ADD2: variants seen among roughly 807,000 people sequenced by gnomAD.
ADD2 encodes the protein adducin 2, also known as beta-adducin.
ADD2 carries 23 observed loss-of-function variants against 83.0 expected under a neutral mutation model. The observed-to-expected ratio is 0.28, with a 90% CI of 0.20 to 0.39. The LOEUF (loss-of-function observed/expected upper bound fraction) is 0.39. Ranked by LOEUF, ADD2 falls within the 10% of genes least tolerant of loss-of-function variation. ADD2 has a pLI of 1.00. For missense variants in ADD2, 758 were observed against 944.9 expected, an observed-to-expected ratio of 0.80 and a Z score of 2.59; for synonymous variants, 375 against 375.4, an observed-to-expected ratio of 1.00 and a Z score of 0.01.
intron 4 of ADD2, 57 bp downstream of exon 4, chr2:70,704,264 C>CT: frequency 7.1e-6 from 3 of 425,202 alleles, no homozygotes; most frequent in Non-Finnish European, 1.4e-5. Flanking sequence ...TCCCTCTCTT[C>CT]CCCACCCCAC....
rs201409314 is a variant in ADD2 at position 70,712,463 on chromosome 2, A to AT, written c.-35+602_-35+603insA. ...TGTCTCAAAAAAAATAAATAAATAA[A>AT]AAAAAAAAAAAAGAAACTGAATCAC... is the stretch of plus-strand genomic sequence containing the variant. On this transcript the variant is annotated intron_variant, in intron 2 of 15. Transcript: ENST00000264436. Among the ~76,000 whole-genome samples, 41 of 133,994 alleles carry AT rather than the reference A, an allele frequency of 3.1e-4. 1 individual carries two copies. The highest frequency in any genetic ancestry group is 8.9e-4 in the African/African-American group (28 of 31,380). The allele number at this position is 133,994 out of a possible 152,430, so 87.9% of individuals were successfully genotyped here.
chr2:70,698,643 T>A (rs1361971029), intron 4 of ADD2, among the ~76,000 whole-genome samples: 1 of 152,198 alleles, frequency 6.6e-6, no homozygotes, highest in Non-Finnish European at 1.5e-5. Context: ...TTGATCATTA[T>A]ATTATTATTT....
Position 70,750,792 on chromosome 2 carries a change from C to A in ADD2, c.-154+17094G>T, listed in dbSNP as rs1390972569. 2.6e-5 allele frequency among the ~76,000 whole-genome samples: 4 copies of A among 152,210 alleles called. No individual in the cohort carries two copies. The East Asian group carries it at 7.7e-4, about 29-fold the overall frequency. On this transcript the variant is annotated intron_variant, in intron 1 of 15. Coordinates refer to ENST00000264436, the MANE Select transcript of ADD2 (RefSeq NM_001617.4). Reference sequence around the variant, plus strand: ...TAAGCCATCTCCATGTAAAGGCAGCCCTGGGAAATTAATATACTCTGTAGC... The same window carrying A: ...TAAGCCATCTCCATGTAAAGGCAGCACTGGGAAATTAATATACTCTGTAGC...
At chr2:70,725,905 A>G (rs571334194) in intron 1 of ADD2, among the ~76,000 whole-genome samples, 1 of 152,252 alleles carries the variant, frequency 6.6e-6, no homozygotes, top group Admixed American at 6.5e-5. Context: ...CTGGTCCACA[A>G]ACCATACTTT....
intron 1 of ADD2, among the ~76,000 whole-genome samples, chr2:70,737,028 C>G (rs1673604207): frequency 6.6e-6 from 1 of 152,020 alleles, no homozygotes; most frequent in African/African-American, 2.4e-5. Flanking sequence ...CAATGAGATA[C>G]CATCTCACAC....
chr2:70,680,100 C>T (rs1670381743), intron 10 of ADD2, among the ~76,000 whole-genome samples: 1 of 152,088 alleles, frequency 6.6e-6, no homozygotes, highest in African/African-American at 2.4e-5. Context: ...AGATTGCAGC[C>T]TTTTGTGCCG....
Position 70,706,352 on chromosome 2 carries a change from A to C in ADD2, c.57T>G (p.Pro19=), listed in dbSNP as rs1553374467. The C allele has an allele frequency of 1.9e-6, 3 of 1,613,488 alleles. No homozygotes were observed. In the South Asian group the frequency reaches 3.3e-5, roughly 18 times the overall value. The change falls in exon 3 of 16, where the codon CCT becomes CCG. Residue 19 remains proline (P), a synonymous_variant. Transcript: ENST00000264436. The surrounding 1 kb of genome is among the most constrained non-coding windows in gnomAD (Gnocchi z 5.0). ...CGTCCTCTGAGAAGCGGTCAAAGTA[A>C]GGCTGCCCCTGCGGGGGCGGCGGCG... is the stretch of plus-strand genomic sequence containing the variant. ...AASPPPPQGQ[P]YFDRFSEDDP...
chr2:70,679,146 C>T (rs1553369085), intron 10 of ADD2, among the ~76,000 whole-genome samples, 185 bp from the exon 11 acceptor site: 4 of 152,154 alleles, frequency 2.6e-5, no homozygotes, highest in Non-Finnish European at 5.9e-5. Context: ...CCTCCTGGTC[C>T]CCCATCCCCT....
chr2:70,744,075 C>T (rs1404050550), intron 1 of ADD2, among the ~76,000 whole-genome samples: 2 of 152,190 alleles, frequency 1.3e-5, no homozygotes, highest in Non-Finnish European at 2.9e-5. Context: ...ATACATCCTA[C>T]ACTCTTAAAA....
In ADD2 at chr2:70,672,412, G is replaced by A. The variant is rs117616474; in HGVS notation, c.1870+466C>T. Among the ~76,000 whole-genome samples the A allele has an allele frequency of 3.9e-5, 6 of 152,290 alleles. No homozygotes were observed. In the East Asian group the frequency reaches 7.7e-4, roughly 20 times the overall value. ...GGGGATGGGATCCAAGAATCAAGACGGTTAAAGCTCCGCAAGTGATTCCAA... is the reference window on the plus strand; with the variant it reads ...GGGGATGGGATCCAAGAATCAAGACAGTTAAAGCTCCGCAAGTGATTCCAA... On this transcript the variant is annotated intron_variant, in intron 15 of 15. Transcript: ENST00000264436.
chr2:70,660,758 C>G lies in ADD2; in HGVS notation c.*2667G>C, dbSNP rs1438302471. On this transcript the variant is annotated 3_prime_UTR_variant, in exon 16 of 16. Coordinates refer to ENST00000264436, the MANE Select transcript of ADD2 (RefSeq NM_001617.4). ...CACATTCTTCCCTCATTGTGGCATG[C>G]CCTGCCAATCCTTTCATTCTACTGG... The G allele has an allele frequency of 6.6e-6, 1 of 152,214 alleles. No homozygotes were observed. The highest frequency in any genetic ancestry group is 1.5e-5 in the Non-Finnish European group (1 of 68,058). 9.4% of individuals were successfully genotyped at this position (152,214 alleles called of 1,614,324 possible).
At chr2:70,674,571 G>T in intron 14 of ADD2, 107 bp downstream of exon 14, 1 of 1,247,372 alleles carries the variant, frequency 8.0e-7, no homozygotes, top group African/African-American at 1.5e-5. Flanking sequence ...AACTACAGTA[G>T]AAATATTCTT....
chr2:70,657,444 A>G lies in ADD2; in HGVS notation c.*5981T>C, dbSNP rs1048747. 0.14 allele frequency: 20,880 copies of G among 152,192 alleles called. 1,548 individuals are homozygous for G. The highest frequency in any genetic ancestry group is 0.19 in the African/African-American group (7,825 of 41,500). 9.4% of individuals were successfully genotyped at this position (152,192 alleles called of 1,614,324 possible). A position where few individuals can be genotyped will look rare whatever the true frequency, so the allele number is the denominator to read the frequency against. ...CTCTTCCCGGAGAGAGCAAACACTA[A>G]GATGTTGGTTGCAGCATAAATTGCA... On this transcript the variant is annotated 3_prime_UTR_variant, in exon 16 of 16. Coordinates refer to ENST00000264436, the MANE Select transcript of ADD2 (RefSeq NM_001617.4).
intron 5 of ADD2, 139 bp from the exon 6 acceptor site, chr2:70,695,940 CATAAGAGATA>C: frequency 5.3e-6 from 4 of 749,596 alleles, no homozygotes; most frequent in Non-Finnish European, 8.7e-6. Flanking sequence ...CCCCCCCAGC[CATAAGAGATA>C]AAAAGAACTC....
At chr2:70,686,293 A>G (rs941414376) in intron 9 of ADD2, among the ~76,000 whole-genome samples, 30 of 151,684 alleles carry the variant, frequency 2.0e-4, no homozygotes, top group Non-Finnish European at 3.8e-4. Flanking sequence ...CAGCTGGGGG[A>G]AAAAAAGGTC....
chr2:70,753,599 G>C (rs1049477373), intron 1 of ADD2, among the ~76,000 whole-genome samples: 3 of 152,044 alleles, frequency 2.0e-5, no homozygotes, highest in Non-Finnish European at 4.4e-5. Context: ...CAGGGGTTGG[G>C]GGGTGGGAAG....
At chr2:70,757,288 TGGGG>T (rs5832031) in intron 1 of ADD2, among the ~76,000 whole-genome samples, 8 of 150,124 alleles carry the variant, frequency 5.3e-5, no homozygotes, top group African/African-American at 2.0e-4. Context: ...AAGGGATTTG[TGGGG>T]GGGGGGGATT....
chr2:70,663,836 T>C, intron 15 of ADD2, 101 bp from the exon 16 acceptor site: 1 of 1,309,060 alleles, frequency 7.6e-7, no homozygotes, highest in Non-Finnish European at 1.0e-6. Flanking sequence ...ATAAAATCAA[T>C]CCAGAGCGAG....
At chr2:70,758,582 G>C (rs1030821374) in intron 1 of ADD2, among the ~76,000 whole-genome samples, 2 of 152,108 alleles carry the variant, frequency 1.3e-5, no homozygotes, top group Non-Finnish European at 2.9e-5. Context: ...GATGAGATTA[G>C]ATTTTTGTTT....
Sources: allele counts gnomAD v4.1 joint callset (sites outside exome capture counted in the v4.1 genomes callset), GRCh38; gene constraint gnomAD v4.1.1; non-coding constraint Gnocchi (gnomAD v3.1); transcripts MANE v1.5; gene names NCBI Gene and HGNC (gene_info 2026-07-23, HGNC 2026-07-21).